ZNF469: variants seen among roughly 807,000 people sequenced by gnomAD.
ZNF469 encodes the protein zinc finger protein 469.
Under a neutral mutation model 1.0 loss-of-function variants are expected in ZNF469, and 1 was observed. The observed-to-expected ratio is 1.00, with a 90% CI of 0.35 to 4.73. ZNF469 has a LOEUF of 4.73. ZNF469 is among the 30% of genes most tolerant of loss of function. The pLI is 0.16. For synonymous variants in ZNF469, 2,703 were observed against 2,363.4 expected (o/e 1.14, Z -4.17); for missense variants, 6,100 against 5,356.3 (o/e 1.14, Z -4.33).
At chr16:88,407,375 G>A (rs1048161379) in intron 1 of ZNF469, among the ~76,000 whole-genome samples, 1 of 152,280 alleles carries the variant, frequency 6.6e-6, no homozygotes, top group Non-Finnish European at 1.5e-5. Context: ...GTTACGCGAA[G>A]GAAGGAGCAA....
chr16:88,429,923 C>G lies in ZNF469; in HGVS notation c.2453C>G (p.Pro818Arg), dbSNP rs962420858. 3 of 1,550,156 alleles carry G rather than the reference C, an allele frequency of 1.9e-6. No homozygotes were observed. The highest frequency in any genetic ancestry group is 2.7e-5 in the African/African-American group (2 of 73,058). Reference sequence around the variant, plus strand: ...GACCCCCTGAGGACAGGCTTCCTGCCCAGCCTGGCCGCCACCCCCTTCCCG... The same window carrying G: ...GACCCCCTGAGGACAGGCTTCCTGCGCAGCCTGGCCGCCACCCCCTTCCCG... ...KDDPLRTGFL[P>R]SLAATPFPLP... Residue 818 changes from proline (P) to arginine (R), a missense_variant, in exon 3 of 3, where the codon CCC becomes CGC. Physicochemically the swap from Pro to Arg is moderately radical, Grantham distance 103. Coordinates refer to ENST00000565624, the MANE Select transcript of ZNF469 (RefSeq NM_001367624.2).
the ZNF469 span, among the ~76,000 whole-genome samples, chr16:88,152,955 G>A: frequency 1.3e-5 from 2 of 152,318 alleles, no homozygotes; most frequent in East Asian, 1.9e-4. The surrounding 1 kb of genome is among the most constrained non-coding windows in gnomAD (Gnocchi z 4.2). Context: ...CTCACTGGCC[G>A]TGAAGGGCTC....
At chr16:88,285,654 C>T in the ZNF469 span, among the ~76,000 whole-genome samples, 3 of 152,240 alleles carry the variant, frequency 2.0e-5, no homozygotes, top group Admixed American at 6.5e-5. Flanking sequence ...ACGCTGGAAG[C>T]GTCGGCACGG....
chr16:88,160,286 C>T, the ZNF469 span, among the ~76,000 whole-genome samples: 1 of 152,214 alleles, frequency 6.6e-6, no homozygotes, highest in East Asian at 1.9e-4. Context: ...GCAAGATTAT[C>T]TCTCTAGAAT....
the ZNF469 span, among the ~76,000 whole-genome samples, chr16:88,267,298 C>T: frequency 5.9e-5 from 9 of 152,332 alleles, no homozygotes; most frequent in African/African-American, 1.2e-4. Context: ...CCTGTGGCCC[C>T]GTTTAAGTGC....
chr16:88,129,627 G>A, the ZNF469 span, among the ~76,000 whole-genome samples: 1 of 152,194 alleles, frequency 6.6e-6, no homozygotes, highest in Admixed American at 6.5e-5. Flanking sequence ...GCTGAGGCAG[G>A]AGGATTACTT....
At chr16:88,422,898 G>A (rs55841259) in intron 1 of ZNF469, among the ~76,000 whole-genome samples, 406 of 30,004 alleles carry the variant, frequency 0.014, 6 homozygotes, top group Middle Eastern at 0.024. Flanking sequence ...ATGGATGGAC[G>A]GACAGACGGA....
the ZNF469 span, among the ~76,000 whole-genome samples, chr16:88,253,076 T>C: frequency 6.6e-6 from 1 of 152,240 alleles, no homozygotes; most frequent in Non-Finnish European, 1.5e-5. Context: ...ATGGGATGAA[T>C]GAATTATCAC....
the ZNF469 span, among the ~76,000 whole-genome samples, chr16:88,114,013 C>A: frequency 6.6e-6 from 1 of 152,194 alleles, no homozygotes; most frequent in Non-Finnish European, 1.5e-5. Flanking sequence ...CCGGCGAGCA[C>A]CATGGGTGGC....
At chr16:88,239,677 A>G in the ZNF469 span, among the ~76,000 whole-genome samples, 104 of 3,680 alleles carry the variant, frequency 0.028, 9 homozygotes, top group Non-Finnish European at 0.035. Flanking sequence ...GTATATATAT[A>G]TATATATATA....
chr16:88,256,831 T>C, the ZNF469 span, among the ~76,000 whole-genome samples: 7 of 145,108 alleles, frequency 4.8e-5, no homozygotes, highest in South Asian at 2.2e-4. Flanking sequence ...CTCTTTTCTT[T>C]CTTCCTTCCT....
chr16:88,234,561 G>A, the ZNF469 span, among the ~76,000 whole-genome samples: 5 of 152,184 alleles, frequency 3.3e-5, no homozygotes, highest in African/African-American at 4.8e-5. Flanking sequence ...AGGGCTGACC[G>A]TGGCACAGCC....
the ZNF469 span, among the ~76,000 whole-genome samples, chr16:88,254,239 T>G: frequency 1.3e-5 from 2 of 152,226 alleles, no homozygotes; most frequent in Non-Finnish European, 2.9e-5. Flanking sequence ...GATCGCCAAT[T>G]GTCCCTGCAC....
the ZNF469 span, among the ~76,000 whole-genome samples, chr16:88,104,488 A>C: frequency 6.6e-6 from 1 of 152,140 alleles, no homozygotes; most frequent in Non-Finnish European, 1.5e-5. Context: ...CCGGACGTTA[A>C]GTCCCCAGCC....
chr16:88,409,653 T>G lies in ZNF469; in HGVS notation c.-191-15154T>G, dbSNP rs552731608. Among the ~76,000 whole-genome samples, 11 of 152,306 alleles carry G rather than the reference T, an allele frequency of 7.2e-5. No homozygotes were observed. The East Asian group carries it at 1.9e-3, about 27-fold the overall frequency. On this transcript the variant is annotated intron_variant, in intron 1 of 2. Coordinates refer to ENST00000565624, the MANE Select transcript of ZNF469 (RefSeq NM_001367624.2). ...ACATATGCTATATGAGCGTGTGCACTCACAGACACTTTTTGAATGGAGACG... is the reference window on the plus strand; with the variant it reads ...ACATATGCTATATGAGCGTGTGCACGCACAGACACTTTTTGAATGGAGACG...
the ZNF469 span, among the ~76,000 whole-genome samples, chr16:88,184,843 G>A: frequency 6.6e-6 from 1 of 152,226 alleles, no homozygotes; most frequent in Admixed American, 6.5e-5. Flanking sequence ...CTCTCGGGCT[G>A]GCTTGTGCGG....
chr16:88,256,951 T>TTTC, the ZNF469 span, among the ~76,000 whole-genome samples: 1,934 of 16,396 alleles, frequency 0.12, 97 homozygotes, highest in East Asian at 0.18. Flanking sequence ...TCTTTCTTTC[T>TTTC]TTTCTTTTCT....
At chr16:88,124,094 C>T in the ZNF469 span, among the ~76,000 whole-genome samples, 1 of 150,910 alleles carries the variant, frequency 6.6e-6, no homozygotes, top group African/African-American at 2.4e-5. Flanking sequence ...TGAGCCAACG[C>T]ACCCAGCCAG....
At chr16:88,165,897 C>T in the ZNF469 span, among the ~76,000 whole-genome samples, 1 of 152,212 alleles carries the variant, frequency 6.6e-6, no homozygotes, top group Non-Finnish European at 1.5e-5. Context: ...TGGCTTATTT[C>T]AGTCAGCACA....
Sources: gnomAD v4.1 joint callset for allele counts (sites outside exome capture counted in the v4.1 genomes callset) on GRCh38, gnomAD v4.1.1 for gene constraint, Gnocchi (gnomAD v3.1) non-coding constraint, MANE v1.5 for transcripts, NCBI Gene and HGNC (gene_info 2026-07-23, HGNC 2026-07-21) for gene names.